The following TOP1MT variants were observed in gnomAD, a reference collection of about 807,000 sequenced individuals.
TOP1MT encodes DNA topoisomerase I, mitochondrial.
TOP1MT carries 80 observed loss-of-function variants against 73.9 expected under a neutral mutation model. The observed-to-expected ratio is 1.08, with a 90% CI of 0.90 to 1.30. TOP1MT has a LOEUF of 1.30. TOP1MT is among the 50% of genes most tolerant of loss of function. The pLI is 0.00. For synonymous variants in TOP1MT, 338 were observed against 326.4 expected (o/e 1.04, Z -0.38); for missense variants, 815 against 808.0 (o/e 1.01, Z -0.10).
At chr8:143,317,679 G>C (rs1490090397) in intron 10 of TOP1MT, 44 bp downstream of exon 10, 1 of 1,441,342 alleles carries the variant, frequency 6.9e-7, no homozygotes, top group Admixed American at 2.1e-5. Flanking sequence ...TGGGGCAGGG[G>C]CCGTGCTCCC....
chr8:143,344,011 A>C lies in TOP1MT; in HGVS notation c.-38-725T>G, dbSNP rs117390404. The C allele has an allele frequency of 0.033, 4,989 of 152,466 alleles. 128 individuals carry two copies. Among genetic ancestry groups the C allele is most frequent in the Middle Eastern group, 0.054 (16 of 296 alleles). The allele number at this position is 152,466 out of a possible 1,614,324, so 9.4% of individuals were successfully genotyped here. ...CGCGTCTTGCAAGGAAAAACCTGTG[A>C]GATTTCTGAAAATCATGTTAGAGCC... On this transcript the variant is annotated intron_variant, in intron 1 of 5. Coordinates refer to the TOP1MT transcript ENST00000518007. The surrounding 1 kb of genome is among the most constrained non-coding windows in gnomAD (Gnocchi z 4.6).
In TOP1MT at chr8:143,321,260, AT is replaced by A. The variant is rs1816333991; in HGVS notation, c.1086del (p.Glu362AspfsTer43). 1 of 1,612,314 alleles carries A rather than the reference AT, an allele frequency of 6.2e-7. No individual in the cohort carries two copies. Among genetic ancestry groups the A allele is most frequent in the Non-Finnish European group, 8.5e-7 (1 of 1,179,132 alleles). Reference sequence around the variant, plus strand: ...ATGCAGTCCTTCCCCAGGAAGTCAAATTCCACCACGTGTTGGCAGCCATCGG... The same window carrying A: ...ATGCAGTCCTTCCCCAGGAAGTCAAATCCACCACGTGTTGGCAGCCATCGG... ...PEADGCQHVV[E>X]FDFLGKDCIR... On this transcript the variant is annotated frameshift_variant, in exon 8 of 14. Coordinates refer to ENST00000329245, the MANE Select transcript of TOP1MT (RefSeq NM_052963.3). LOFTEE classifies it high-confidence loss of function.
intron 12 of TOP1MT, 149 bp from the exon 13 acceptor site, chr8:143,310,366 C>A: frequency 1.7e-6 from 1 of 603,026 alleles, no homozygotes; most frequent in Non-Finnish European, 2.7e-6. Flanking sequence ...AAAGACCAGC[C>A]GGGATCAAAG....
At chr8:143,334,476 A>G (rs1470035605) in intron 1 of TOP1MT, among the ~76,000 whole-genome samples, 3 of 151,384 alleles carry the variant, frequency 2.0e-5, no homozygotes, top group African/African-American at 7.4e-5. Flanking sequence ...ATGAAACCAC[A>G]AGCGGAAAAA....
rs140746863 is a variant in TOP1MT, at chr8:143,330,947, A to AG, written c.238+276dup. Among the ~76,000 whole-genome samples, 41 of 59,920 alleles carry AG rather than the reference A, an allele frequency of 6.8e-4. No individual in the cohort carries two copies. The East Asian group carries it at 0.014, about 21-fold the overall frequency. 39.3% of individuals were successfully genotyped at this position (59,920 alleles called of 152,430 possible). A position where few individuals can be genotyped will look rare whatever the true frequency, so the allele number is the denominator to read the frequency against. On this transcript the variant is annotated intron_variant, in intron 2 of 13. Transcript: ENST00000329245. ...GGAACACAGTGGTGCGGGGGGAGGG[A>AG]GGGGGGGTCCGCTTTGCCCAGAGGG... is the stretch of plus-strand genomic sequence containing the variant.
intron 12 of TOP1MT, chr8:143,310,440 G>C: frequency 2.4e-6 from 1 of 424,898 alleles, no homozygotes. Flanking sequence ...GGCGGAGGGT[G>C]AGCAGCCCGT....
chr8:143,321,684 CCACG>C (rs1233395831), intron 7 of TOP1MT, among the ~76,000 whole-genome samples: 1 of 117,448 alleles, frequency 8.5e-6, no homozygotes, highest in Non-Finnish European at 1.7e-5. Context: ...CACACGCACG[CCACG>C]CACGCACGCC....
upstream of TOP1MT, among the ~76,000 whole-genome samples, chr8:143,357,796 C>CTGTG (rs1817436423): frequency 6.6e-6 from 1 of 151,958 alleles, no homozygotes; most frequent in African/African-American, 2.4e-5. Flanking sequence ...TGGCACACGA[C>CTGTG]TGTAGTCTCA....
rs766170787 is a variant in TOP1MT at position 143,325,329 on chromosome 8, C to T, written c.671+17G>A. 4.4e-6 allele frequency: 7 copies of T among 1,575,622 alleles called. No homozygotes were observed. Among genetic ancestry groups the T allele is most frequent in the Non-Finnish European group, 6.1e-6 (7 of 1,155,426 alleles). On this transcript the variant is annotated intron_variant, in intron 5 of 13. Transcript: ENST00000329245. ...GCGGGGGTCCAGTGCCCGCCTGCTGCCCGCCCGGCCACGCACCTGCTGCAG... is the reference window on the plus strand; with the variant it reads ...GCGGGGGTCCAGTGCCCGCCTGCTGTCCGCCCGGCCACGCACCTGCTGCAG...
upstream of TOP1MT, among the ~76,000 whole-genome samples, chr8:143,356,585 A>G (rs1160841408): frequency 6.6e-6 from 1 of 151,246 alleles, no homozygotes; most frequent in African/African-American, 2.4e-5. Flanking sequence ...CAGGAGTTTG[A>G]GACCAGCCTG....
chr8:143,342,193 CTGTTAT>C lies in TOP1MT; in HGVS notation c.29+1021_29+1026del, dbSNP rs1229232582. ...TCTGTTATTATTAGAGACAGTCTCG[CTGTTAT>C]TATTATTATTAGAGACAGAGTCTCG... On this transcript the variant is annotated intron_variant, in intron 2 of 5. Coordinates refer to the TOP1MT transcript ENST00000518007. Among the ~76,000 whole-genome samples the C allele has an allele frequency of 1.9e-4, 10 of 52,784 alleles. No homozygotes were observed. The Admixed American group carries it at 2.3e-3, about 12-fold the overall frequency. The allele number at this position is 52,784 out of a possible 152,430, so 34.6% of individuals were successfully genotyped here.
At chr8:143,359,643 TGGA>T, upstream of TOP1MT, among the ~76,000 whole-genome samples, 1 of 130,382 alleles carries the variant, frequency 7.7e-6, no homozygotes, top group South Asian at 2.5e-4. Flanking sequence ...CCCATGGAGA[TGGA>T]GGAAACACTG....
At chr8:143,319,449 G>A (rs1179597073) in intron 8 of TOP1MT, among the ~76,000 whole-genome samples, 1 of 152,054 alleles carries the variant, frequency 6.6e-6, no homozygotes, top group African/African-American at 2.4e-5. Context: ...TGTGGGCCTT[G>A]CGCCCAGCCT....
At chr8:143,354,201 C>A (rs371180121) in intron 1 of TOP1MT, among the ~76,000 whole-genome samples, 4 of 151,994 alleles carry the variant, frequency 2.6e-5, no homozygotes, top group Non-Finnish European at 5.9e-5. Context: ...CAGATATACA[C>A]GCAGCAGGGT....
upstream of TOP1MT, among the ~76,000 whole-genome samples, chr8:143,356,591 G>T (rs1390013541): frequency 7.1e-5 from 10 of 140,826 alleles, no homozygotes; most frequent in African/African-American, 1.9e-4. Context: ...TTTGAGACCA[G>T]CCTGGCCAAC....
chr8:143,342,776 C>CTATT (rs1554622824), intron 2 of TOP1MT, among the ~76,000 whole-genome samples: 3 of 78,732 alleles, frequency 3.8e-5, no homozygotes, highest in Non-Finnish European at 6.0e-5. Flanking sequence ...GAGTCTTGCT[C>CTATT]TATTATTATT....
intron 5 of TOP1MT, 35 bp from the exon 6 acceptor site, chr8:143,324,664 G>A: frequency 6.2e-7 from 1 of 1,600,506 alleles, no homozygotes; most frequent in South Asian, 1.1e-5. Context: ...ATAACTTGGA[G>A]ACCTTATTCT....
In TOP1MT at chr8:143,321,188, C is replaced by T. The variant is rs772789159; in HGVS notation, c.1146+13G>A. On this transcript the variant is annotated intron_variant, in intron 8 of 13. Coordinates refer to ENST00000329245, the MANE Select transcript of TOP1MT (RefSeq NM_052963.3). ...TGTCACATAGCGGGGGCAGCTGGCG[C>T]GAGGGCACTCACCGGCTTCTCCACC... 6.9e-5 allele frequency: 108 copies of T among 1,574,742 alleles called. No individual in the cohort carries two copies. Among genetic ancestry groups the T allele is most frequent in the Non-Finnish European group, 9.1e-5 (105 of 1,156,192 alleles).
chr8:143,334,758 T>C lies in TOP1MT; in HGVS notation c.104A>G (p.Gln35Arg), dbSNP rs139901836. ...SRGVPGSRRT[Q>R]KGSGARWEKE... ...ACCTTACCTGGCTCCACTGCCCTTC[T>C]GCGTCCTGCGCGAGCCCGGGACACC... The change falls in exon 1 of 14, where the codon CAG becomes CGG. Residue 35 changes from glutamine (Q) to arginine (R), a missense_variant. Gln to Arg is a conservative substitution (Grantham distance 43). Transcript: ENST00000329245. The C allele has an allele frequency of 1.3e-3, 2,025 of 1,598,336 alleles. 7 individuals are homozygous for C. Among genetic ancestry groups the C allele is most frequent in the Admixed American group, 2.8e-3 (166 of 59,356 alleles).
Sources: gnomAD v4.1 joint callset for allele counts (sites outside exome capture counted in the v4.1 genomes callset) on GRCh38, gnomAD v4.1.1 for gene constraint, Gnocchi (gnomAD v3.1) non-coding constraint, MANE v1.5 for transcripts, NCBI Gene and HGNC (gene_info 2026-07-23, HGNC 2026-07-21) for gene names.